PNMA6F: variants seen among roughly 807,000 people sequenced by gnomAD.
PNMA6F encodes the protein PNMA family member 6F, also known as paraneoplastic antigen Ma6F.
For synonymous variants in PNMA6F, 14 were observed against 3.4 expected, an observed-to-expected ratio of 4.15 and a Z score of -3.45; for missense variants, 57 against 10.8, an observed-to-expected ratio of 5.25 and a Z score of -5.98.
Position 153,320,774 on chromosome X carries a change from G to A in PNMA6F, c.-83-17C>T. The stretch of plus-strand genomic sequence containing the variant: ...TGACGCAGCCTGTGAGTGCAAAGGG[G>A]AGAGAGGGACGACGTTGCTGCCAAT... On this transcript the variant is annotated splice_polypyrimidine_tract_variant and intron_variant, in intron 1 of 1. Coordinates refer to ENST00000436629, the MANE Select transcript of PNMA6F (RefSeq NM_001354980.2). 1 of 295,726 alleles carries A rather than the reference G, an allele frequency of 3.4e-6. No individual in the cohort carries two copies. Among genetic ancestry groups the A allele is most frequent in the Non-Finnish European group, 5.9e-6 (1 of 169,540 alleles). The allele number at this position is 295,726 out of a possible 1,213,427, so 24.4% of individuals were successfully genotyped here. A position where few individuals can be genotyped will look rare whatever the true frequency, so the allele number is the denominator to read the frequency against.
At position 153,319,096 on chromosome X, in the gene PNMA6F, C is replaced by T; in HGVS notation, c.1579G>A (p.Gly527Ser). ...MGSAVDMAPG[G>S]PSWEPEGLVQ... ...AGGCCCTCTGGCTCCCAGCTGGGAC[C>T]TCCTGGGGCCATGTCGACTGCACTG... The change falls in exon 2 of 2, where the codon GGT (glycine) becomes AGT (serine). Residue 527 changes from glycine to serine, a missense_variant. Physicochemically the swap from Gly to Ser is moderately conservative, Grantham distance 56. Coordinates refer to ENST00000436629, the MANE Select transcript of PNMA6F (RefSeq NM_001354980.2). 1 of 302,526 alleles carries T rather than the reference C, an allele frequency of 3.3e-6. No individual in the cohort carries two copies. The highest frequency in any genetic ancestry group is 5.8e-6 in the Non-Finnish European group (1 of 173,682). The allele number at this position is 302,526 out of a possible 1,213,427, so 24.9% of individuals were successfully genotyped here.
Position 153,319,403 on chromosome X carries a change from C to T in PNMA6F, c.1272G>A (p.Glu424=). The T allele has an allele frequency of 3.4e-6, 1 of 298,271 alleles. No homozygotes were observed. 24.6% of individuals were successfully genotyped at this position (298,271 alleles called of 1,213,427 possible). A position where few individuals can be genotyped will look rare whatever the true frequency, so the allele number is the denominator to read the frequency against. ...TCCTTGCTAGGGAGGCTGCCCACGC[C>T]TCCATGTCCCGGATGAGCCGCAGCA... The part of the protein sequence containing the change: ...LRLLRLIRDM[E]AWAASLARSQ... Residue 424 remains glutamate (E), a synonymous_variant, in exon 2 of 2, where the codon GAG becomes GAA. Coordinates refer to ENST00000436629, the MANE Select transcript of PNMA6F (RefSeq NM_001354980.2).
In PNMA6F at chrX:153,318,099, C is replaced by G. The variant is rs1231550106; in HGVS notation, c.*839G>C. 8.5e-6 allele frequency: 1 copy of G among 117,166 alleles called. No homozygotes were observed. The highest frequency in any genetic ancestry group is 3.3e-5 in the African/African-American group (1 of 30,750). The allele number at this position is 117,166 out of a possible 1,213,427, so 9.7% of individuals were successfully genotyped here. A position where few individuals can be genotyped will look rare whatever the true frequency, so the allele number is the denominator to read the frequency against. ...ATAGAACACCAAAGCACAAAGCTCC[C>G]CGGGGAGCCTCAGGCAGGGCAGCTC... On this transcript the variant is annotated 3_prime_UTR_variant, in exon 2 of 2. Coordinates refer to ENST00000436629, the MANE Select transcript of PNMA6F (RefSeq NM_001354980.2).
rs1602806717 is a variant in PNMA6F, at chrX:153,320,105, A to T, written c.570T>A (p.Gly190=). 2.8e-6 allele frequency: 1 copy of T among 351,048 alleles called. No homozygotes were observed. The highest frequency in any genetic ancestry group is 5.3e-5 in the Admixed American group (1 of 18,891). 28.9% of individuals were successfully genotyped at this position (351,048 alleles called of 1,213,427 possible). Reference sequence around the variant, plus strand: ...CACCTGTACCTCCTTCCTCACCTGCACCTCCTGCCTCACCTGCACCTCCTG... The same window carrying T: ...CACCTGTACCTCCTTCCTCACCTGCTCCTCCTGCCTCACCTGCACCTCCTG... ...GEAGGAGEAG[G]AGEEGGTGEE... is the part of the protein sequence containing the mutation. The change falls in exon 2 of 2, where the codon GGT becomes GGA. Residue 190 remains glycine, a synonymous_variant. Transcript: ENST00000436629.
rs892580276 is a variant in PNMA6F, at chrX:153,318,320, C to G, written c.*618G>C. The G allele has an allele frequency of 1.0e-5, 1 of 97,400 alleles. No individual in the cohort carries two copies. The highest frequency in any genetic ancestry group is 4.4e-5 in the African/African-American group (1 of 22,684). 8.0% of individuals were successfully genotyped at this position (97,400 alleles called of 1,213,427 possible). ...GCTCAGAGAAGAACACACACAGCTCCACGAGAACAAGCAGCCCCTGGCCTA... is the reference window on the plus strand; with the variant it reads ...GCTCAGAGAAGAACACACACAGCTCGACGAGAACAAGCAGCCCCTGGCCTA... On this transcript the variant is annotated 3_prime_UTR_variant, in exon 2 of 2. Transcript: ENST00000436629.
At position 153,318,034 on chromosome X, in the gene PNMA6F, C is replaced by G; in HGVS notation, c.*904G>C. 1 of 118,869 alleles carries G rather than the reference C, an allele frequency of 8.4e-6. No individual in the cohort carries two copies. 9.8% of individuals were successfully genotyped at this position (118,869 alleles called of 1,213,427 possible). A position where few individuals can be genotyped will look rare whatever the true frequency, so the allele number is the denominator to read the frequency against. On this transcript the variant is annotated 3_prime_UTR_variant, in exon 2 of 2. Transcript: ENST00000436629. ...CACTGAAAACACAGCAGGGAACACC[C>G]CCCCAAGTCAAGGAAACTGAGTCAC...
Position 153,318,689 on chromosome X carries a change from G to A in PNMA6F, c.*249C>T, listed in dbSNP as rs1659040779. On this transcript the variant is annotated 3_prime_UTR_variant, in exon 2 of 2. Transcript: ENST00000436629. ...TCTTTCCCCCATCTCTCCCAACACAGGACAAGGGGTGGGGGGCAGACATCT... is the reference window on the plus strand; with the variant it reads ...TCTTTCCCCCATCTCTCCCAACACAAGACAAGGGGTGGGGGGCAGACATCT... 2 of 259,874 alleles carry A rather than the reference G, an allele frequency of 7.7e-6. No individual in the cohort carries two copies. Among genetic ancestry groups the A allele is most frequent in the African/African-American group, 5.6e-5 (2 of 36,008 alleles). The allele number at this position is 259,874 out of a possible 1,213,427, so 21.4% of individuals were successfully genotyped here.
Position 153,319,525 on chromosome X carries a change from G to A in PNMA6F, c.1150C>T (p.Leu384=), listed in dbSNP as rs2051980524. 2 of 298,263 alleles carry A rather than the reference G, an allele frequency of 6.7e-6. No homozygotes were observed. Among genetic ancestry groups the A allele is most frequent in the East Asian group, 9.5e-5 (2 of 21,055 alleles). 24.6% of individuals were successfully genotyped at this position (298,263 alleles called of 1,213,427 possible). A position where few individuals can be genotyped will look rare whatever the true frequency, so the allele number is the denominator to read the frequency against. Residue 384 remains leucine, a synonymous_variant, in exon 2 of 2, where the codon CTG becomes TTG. Coordinates refer to ENST00000436629, the MANE Select transcript of PNMA6F (RefSeq NM_001354980.2). ...CGGGCCCGAGACAGCACCTGCCGCA[G>A]TCGCAGGTGGTTGGCCATGGCTGGG... ...VHPAMANHLR[L]RQVLSRARPS...
chrX:153,319,570 C>G lies in PNMA6F; in HGVS notation c.1105G>C (p.Val369Leu), dbSNP rs1423689117. 6 of 297,311 alleles carry G rather than the reference C, an allele frequency of 2.0e-5. No individual in the cohort carries two copies. Among genetic ancestry groups the G allele is most frequent in the Non-Finnish European group, 3.5e-5 (6 of 170,318 alleles). The allele number at this position is 297,311 out of a possible 1,213,427, so 24.5% of individuals were successfully genotyped here. The change falls in exon 2 of 2, where the codon GTG becomes CTG. Residue 369 changes from valine to leucine, a missense_variant. Coordinates refer to ENST00000436629, the MANE Select transcript of PNMA6F (RefSeq NM_001354980.2). ...VRLEGLLQKA[V>L]EKGAVHPAMA... ...GCTGGGTGGACCGCCCCCTTCTCCA[C>G]GGCCTTCTGCAGCAGGCCTTCCAGG...
At position 153,319,571 on chromosome X, in the gene PNMA6F, G is replaced by C; in HGVS notation, c.1104C>G (p.Ala368=). ...CTGGGTGGACCGCCCCCTTCTCCAC[G>C]GCCTTCTGCAGCAGGCCTTCCAGGC... ...VVRLEGLLQK[A]VEKGAVHPAM... Residue 368 remains alanine (A), a synonymous_variant, in exon 2 of 2, where the codon GCC becomes GCG. Transcript: ENST00000436629. The C allele has an allele frequency of 3.4e-6, 1 of 298,019 alleles. No homozygotes were observed. Among genetic ancestry groups the C allele is most frequent in the African/African-American group, 2.7e-5 (1 of 37,169 alleles). The allele number at this position is 298,019 out of a possible 1,213,427, so 24.6% of individuals were successfully genotyped here.
At position 153,319,489 on chromosome X, in the gene PNMA6F, C is replaced by A; in HGVS notation, c.1186G>T (p.Ala396Ser). ...ATCCTCCTCAGGGTATCCTGGAGTG[C>A]CTCGCTGGGGCGGGCCCGAGACAGC... ...QVLSRARPSE[A>S]LQDTLRRMQL... Residue 396 changes from alanine (A) to serine (S), a missense_variant, in exon 2 of 2, where the codon GCA becomes TCA. By Grantham distance (99) the Ala-to-Ser change is moderately conservative. Transcript: ENST00000436629. The A allele has an allele frequency of 3.4e-6, 1 of 298,158 alleles. No individual in the cohort carries two copies. The highest frequency in any genetic ancestry group is 6.0e-5 in the Admixed American group (1 of 16,606). The allele number at this position is 298,158 out of a possible 1,213,427, so 24.6% of individuals were successfully genotyped here. A position where few individuals can be genotyped will look rare whatever the true frequency, so the allele number is the denominator to read the frequency against.
chrX:153,320,905 C>G, intron 1 of PNMA6F, 148 bp from the exon 2 acceptor site: 1 of 265,581 alleles, frequency 3.8e-6, no homozygotes. Context: ...AAAGCCCTCC[C>G]CCAGTTGGTG....
rs1377510073 is a variant in PNMA6F, at chrX:153,320,740, T to A, written c.-66A>T. ...TCAGACAGGAATGTGTGCTGACTGTTGCAGTCTCTGACGCAGCCTGTGAGT... is the reference window on the plus strand; with the variant it reads ...TCAGACAGGAATGTGTGCTGACTGTAGCAGTCTCTGACGCAGCCTGTGAGT... On this transcript the variant is annotated 5_prime_UTR_variant, in exon 2 of 2. Transcript: ENST00000436629. 1.0e-5 allele frequency: 3 copies of A among 295,098 alleles called. No homozygotes were observed. The highest frequency in any genetic ancestry group is 8.3e-5 in the African/African-American group (3 of 36,325). The allele number at this position is 295,098 out of a possible 1,213,427, so 24.3% of individuals were successfully genotyped here. A position where few individuals can be genotyped will look rare whatever the true frequency, so the allele number is the denominator to read the frequency against.
Position 153,319,934 on chromosome X carries a change from A to G in PNMA6F, c.741T>C (p.Thr247=). ...WRQTLRPLVK[T]MAYRELRPFS... ...AGGGTCTCAGTTCCCGGTAGGCCAT[A>G]GTTTTCACCAGAGGCCGCAGGGTCT... Residue 247 remains threonine (T), a synonymous_variant, in exon 2 of 2, where the codon ACT becomes ACC. Transcript: ENST00000436629. 3.3e-6 allele frequency: 1 copy of G among 303,504 alleles called. No individual in the cohort carries two copies. The highest frequency in any genetic ancestry group is 5.7e-6 in the Non-Finnish European group (1 of 174,251). The allele number at this position is 303,504 out of a possible 1,213,427, so 25.0% of individuals were successfully genotyped here.
rs782803876 is a variant in PNMA6F at position 153,319,904 on chromosome X, G to A, written c.771C>T (p.Ser257=). 3.4e-4 allele frequency: 103 copies of A among 301,766 alleles called. No homozygotes were observed. The highest frequency in any genetic ancestry group is 1.4e-3 in the East Asian group (29 of 21,030). The allele number at this position is 301,766 out of a possible 1,213,427, so 24.9% of individuals were successfully genotyped here. ...CCACGCAGCCTGGCTGCTCCCTCCC[G>A]GAAAAGGGTCTCAGTTCCCGGTAGG... ...TMAYRELRPF[S]GREQPGCVEE... The change falls in exon 2 of 2, where the codon TCC becomes TCT. Residue 257 remains serine, a synonymous_variant. Transcript: ENST00000436629.
rs782336944 is a variant in PNMA6F at position 153,318,953 on chromosome X, G to C, written c.1722C>G (p.Ser574=). 3.3e-6 allele frequency: 1 copy of C among 300,183 alleles called. No homozygotes were observed. Among genetic ancestry groups the C allele is most frequent in the African/African-American group, 2.7e-5 (1 of 37,320 alleles). 24.7% of individuals were successfully genotyped at this position (300,183 alleles called of 1,213,427 possible). The change falls in exon 2 of 2, where the codon TCC becomes TCG. Residue 574 remains serine, a synonymous_variant. Coordinates refer to ENST00000436629, the MANE Select transcript of PNMA6F (RefSeq NM_001354980.2). ...CCCTCAGAGCCTATTTGCCCGGGGG[G>C]GACTTGGGCTTGCCCGCCTCCCCAG... ...DGAGEAGKPK[S]PPGK
rs1556959042 is a variant in PNMA6F at position 153,321,676 on chromosome X, G to A, written c.-208C>T. On this transcript the variant is annotated 5_prime_UTR_variant, in exon 1 of 2. Coordinates refer to ENST00000436629, the MANE Select transcript of PNMA6F (RefSeq NM_001354980.2). Reference sequence around the variant, plus strand: ...GGGTGGAAGATCTCGCCTCAGTCACGCGGCCGCGCTGCGCAGCGCAGGGGT... The same window carrying A: ...GGGTGGAAGATCTCGCCTCAGTCACACGGCCGCGCTGCGCAGCGCAGGGGT... 1 of 107,357 alleles carries A rather than the reference G, an allele frequency of 9.3e-6. No individual in the cohort carries two copies. Among genetic ancestry groups the A allele is most frequent in the Middle Eastern group, 4.4e-3 (1 of 226 alleles). The allele number at this position is 107,357 out of a possible 1,213,427, so 8.8% of individuals were successfully genotyped here.
chrX:153,318,947 C>G lies in PNMA6F; in HGVS notation c.1728G>C (p.Pro576=). 1 of 299,982 alleles carries G rather than the reference C, an allele frequency of 3.3e-6. No individual in the cohort carries two copies. Among genetic ancestry groups the G allele is most frequent in the East Asian group, 4.7e-5 (1 of 21,079 alleles). 24.7% of individuals were successfully genotyped at this position (299,982 alleles called of 1,213,427 possible). Residue 576 remains proline, a synonymous_variant, in exon 2 of 2, where the codon CCG becomes CCC. Transcript: ENST00000436629. The stretch of plus-strand genomic sequence containing the variant: ...TCAGGGCCCTCAGAGCCTATTTGCC[C>G]GGGGGGGACTTGGGCTTGCCCGCCT... ...AGEAGKPKSP[P]GK is the part of the protein sequence containing the mutation.
At position 153,317,768 on chromosome X, in the gene PNMA6F, T is replaced by G. The variant is rs6526176; in HGVS notation, c.*1170A>C. On this transcript the variant is annotated 3_prime_UTR_variant, in exon 2 of 2. Coordinates refer to ENST00000436629, the MANE Select transcript of PNMA6F (RefSeq NM_001354980.2). Reference sequence around the variant, plus strand: ...CACAACACAGAGAGAAACTGCAAATTGCCACCACAGGACACAGGTCCCACA... The same window carrying G: ...CACAACACAGAGAGAAACTGCAAATGGCCACCACAGGACACAGGTCCCACA... 8,134 of 123,072 alleles carry G rather than the reference T, an allele frequency of 0.066. 580 individuals carry two copies. Among genetic ancestry groups the G allele is most frequent in the East Asian group, 0.31 (1,059 of 3,463 alleles). The allele number at this position is 123,072 out of a possible 1,213,427, so 10.1% of individuals were successfully genotyped here.
Sources: gnomAD v4.1 joint callset for allele counts on GRCh38, gnomAD v4.1.1 for gene constraint, MANE v1.5 for transcripts, NCBI Gene and HGNC (gene_info 2026-07-23, HGNC 2026-07-21) for gene names.